The following WRN variants were observed in gnomAD, a reference collection of about 807,000 sequenced individuals.
WRN encodes the protein bifunctional 3'-5' exonuclease/ATP-dependent helicase WRN.
Under a neutral mutation model 180.7 loss-of-function variants are expected in WRN, and 149 were observed. The ratio of observed to expected loss-of-function variants is 0.82; its 90% confidence interval spans 0.72 to 0.94. The LOEUF is 0.94. WRN is among the 40% of genes least tolerant of loss of function. The pLI, the probability that WRN is intolerant of heterozygous loss-of-function variation, is 0.00. For synonymous variants in WRN, 548 were observed against 568.9 expected (o/e 0.96, Z 0.52); for missense variants, 1,661 against 1,700.1 (o/e 0.98, Z 0.40).
rs747825738 is a variant in WRN at position 31,087,907 on chromosome 8, A to C, written c.1563A>C (p.Glu521Asp). 8.7e-6 allele frequency: 14 copies of C among 1,613,334 alleles called. No individual in the cohort carries two copies. The highest frequency in any genetic ancestry group is 1.0e-5 in the Non-Finnish European group (12 of 1,179,624). Residue 521 changes from glutamate to aspartate, a missense_variant, in exon 12 of 35, where the codon GAA becomes GAC. By Grantham distance (45) the Glu-to-Asp change is conservative. Transcript: ENST00000298139. Reference sequence around the variant, plus strand: ...AAAATGAAGCTAATGAAGGGGAAGAAGATGATGATAAGGGTAAGCACTGAA... The same window carrying C: ...AAAATGAAGCTAATGAAGGGGAAGACGATGATGATAAGGGTAAGCACTGAA... ...DDENEANEGE[E>D]DDDKDFLWPA...
At chr8:31,111,161 C>CA (rs540923057) in intron 18 of WRN, among the ~76,000 whole-genome samples, 3,498 of 145,608 alleles carry the variant, frequency 0.024, 41 homozygotes, top group South Asian at 0.043. Flanking sequence ...AATAGGAGGC[C>CA]AAAAAAAAAC....
Position 31,125,006 on chromosome 8 carries a change from G to T in WRN, c.2825+6G>T, listed in dbSNP as rs188194234. 73 of 1,610,570 alleles carry T rather than the reference G, an allele frequency of 4.5e-5. No individual in the cohort carries two copies. The African/African-American group carries it at 8.5e-4, about 19-fold the overall frequency. On this transcript the variant is annotated splice_donor_region_variant and intron_variant, in intron 23 of 34. Transcript: ENST00000298139. Reference sequence around the variant, plus strand: ...TGTGATAATTGCAGGTCCAGGTAAAGATTTCTTATTATAGATGGACATTCT... The same window carrying T: ...TGTGATAATTGCAGGTCCAGGTAAATATTTCTTATTATAGATGGACATTCT...
chr8:31,120,461 C>T, intron 21 of WRN, 37 bp downstream of exon 21: 5 of 1,565,830 alleles, frequency 3.2e-6, no homozygotes, highest in Non-Finnish European at 4.3e-6. Context: ...TTGCAGATTT[C>T]TTTCTTTCTT....
intron 1 of WRN, among the ~76,000 whole-genome samples, chr8:31,054,199 A>G (rs1812180461): frequency 6.6e-6 from 1 of 152,138 alleles, no homozygotes; most frequent in African/African-American, 2.4e-5. Context: ...AATAATGAGG[A>G]AAAAGGGAAT....
chr8:31,097,758 A>C (rs895498092), intron 17 of WRN, among the ~76,000 whole-genome samples: 3 of 151,994 alleles, frequency 2.0e-5, no homozygotes, highest in Non-Finnish European at 4.4e-5. Flanking sequence ...CATCCTGGGC[A>C]ACAGAGCGAG....
Position 31,095,887 on chromosome 8 carries a change from G to C in WRN, c.1899-881G>C, listed in dbSNP as rs11574258. 2.2e-3 allele frequency among the ~76,000 whole-genome samples: 330 copies of C among 152,280 alleles called. 2 individuals are homozygous for C. Among genetic ancestry groups the C allele is most frequent in the Admixed American group, 0.01 (160 of 15,284 alleles). ...CCTTTGTATTTCTGTGAGCATGTCA[G>C]CATCACCTTTTCAACCCATATGCCT... is the stretch of plus-strand genomic sequence containing the variant. On this transcript the variant is annotated intron_variant, in intron 16 of 34. Coordinates refer to ENST00000298139, the MANE Select transcript of WRN (RefSeq NM_000553.6).
chr8:31,165,357 G>A (rs1249114145), intron 33 of WRN, among the ~76,000 whole-genome samples: 46 of 151,962 alleles, frequency 3.0e-4, no homozygotes, highest in Non-Finnish European at 4.4e-5. Flanking sequence ...ACTTGGTTTC[G>A]AGTGTGGGAA....
intron 6 of WRN, among the ~76,000 whole-genome samples, chr8:31,068,045 AAAC>A (rs1224277080): frequency 1.3e-5 from 2 of 152,328 alleles, no homozygotes; most frequent in East Asian, 3.9e-4. Flanking sequence ...GAAAAAGTGA[AAAC>A]AAACTTTTAA....
In WRN at chr8:31,116,336, GTTC is replaced by G. The variant is rs1190140558; in HGVS notation, c.2274-12_2274-10del. ...ATAAAGTATATATGTTTGCTCTTTT[GTTC>G]TTCTTTTTCTTTAGTTCCCACTGGG... On this transcript the variant is annotated splice_polypyrimidine_tract_variant and intron_variant, in intron 19 of 34. Transcript: ENST00000298139. 3.1e-6 allele frequency: 5 copies of G among 1,613,082 alleles called. No individual in the cohort carries two copies. The highest frequency in any genetic ancestry group is 2.7e-5 in the African/African-American group (2 of 74,888).
In WRN at chr8:31,150,714, G is replaced by C. The variant is rs1189930818; in HGVS notation, c.3687+259G>C. ...CATTGGGAGGTTTTGTTTTTAAATTGGAAACATTATTTTAGGTTGATAAAT... is the reference window on the plus strand; with the variant it reads ...CATTGGGAGGTTTTGTTTTTAAATTCGAAACATTATTTTAGGTTGATAAAT... On this transcript the variant is annotated intron_variant, in intron 31 of 34. Transcript: ENST00000298139. Among the ~76,000 whole-genome samples the C allele has an allele frequency of 2.0e-5, 3 of 152,068 alleles. No homozygotes were observed. In the East Asian group the frequency reaches 5.8e-4, roughly 29 times the overall value.
At chr8:31,053,523 G>C (rs970632563) in intron 1 of WRN, among the ~76,000 whole-genome samples, 2 of 152,182 alleles carry the variant, frequency 1.3e-5, no homozygotes, top group Non-Finnish European at 2.9e-5. Flanking sequence ...TCCAAAGGAA[G>C]GTTCATAAGC....
chr8:31,154,024 C>G (rs1803262276), intron 31 of WRN, among the ~76,000 whole-genome samples: 1 of 151,922 alleles, frequency 6.6e-6, no homozygotes, highest in African/African-American at 2.4e-5. Flanking sequence ...TTTTCTATCT[C>G]TTTACCTTTA....
intron 7 of WRN, among the ~76,000 whole-genome samples, chr8:31,071,024 C>T (rs1458258301): frequency 3.8e-5 from 5 of 131,172 alleles, no homozygotes; most frequent in Non-Finnish European, 7.8e-5. Flanking sequence ...CCAGCCTGCA[C>T]AAGAGCGAGA....
At position 31,080,807 on chromosome 8, in the gene WRN, G is replaced by C. The variant is rs1813270796; in HGVS notation, c.840-60G>C. 4.3e-6 allele frequency: 6 copies of C among 1,388,714 alleles called. No homozygotes were observed. In the South Asian group the frequency reaches 6.6e-5, roughly 15 times the overall value. The allele number at this position is 1,388,714 out of a possible 1,614,324, so 86.0% of individuals were successfully genotyped here. On this transcript the variant is annotated intron_variant, in intron 8 of 34. Coordinates refer to ENST00000298139, the MANE Select transcript of WRN (RefSeq NM_000553.6). ...CTTTTACTTGTTAAAAAGCTTCACA[G>C]TTTGTCCTTGTAGTTAATGCAATTG...
chr8:31,120,628 A>G (rs1801690745), intron 21 of WRN, among the ~76,000 whole-genome samples: 1 of 151,774 alleles, frequency 6.6e-6, no homozygotes, highest in Non-Finnish European at 1.5e-5. Context: ...CCACTTGGAG[A>G]TGAGCTAATT....
At chr8:31,085,082 T>C in intron 10 of WRN, 84 bp from the exon 11 acceptor site, 1 of 1,269,764 alleles carries the variant, frequency 7.9e-7, no homozygotes, top group Non-Finnish European at 1.1e-6. Flanking sequence ...TAAAGATATC[T>C]AGTATATAGG....
intron 12 of WRN, among the ~76,000 whole-genome samples, chr8:31,088,367 A>G (rs1813617378): frequency 6.6e-6 from 1 of 152,272 alleles, no homozygotes; most frequent in African/African-American, 2.4e-5. Flanking sequence ...TAGAATTTTG[A>G]CCAAAGATGT....
chr8:31,152,468 G>A (rs902152416), intron 31 of WRN, among the ~76,000 whole-genome samples: 3 of 151,944 alleles, frequency 2.0e-5, no homozygotes, highest in African/African-American at 4.8e-5. Context: ...GGCTATGAAT[G>A]ACAGTTGATG....
chr8:31,064,487 C>T (rs1401473779), intron 4 of WRN, 53 bp downstream of exon 4: 2 of 1,610,694 alleles, frequency 1.2e-6, no homozygotes, highest in South Asian at 1.1e-5. Flanking sequence ...AATATGTCAA[C>T]TTTATCCCTA....
Sources: gnomAD v4.1 joint callset for allele counts (sites outside exome capture counted in the v4.1 genomes callset) on GRCh38, gnomAD v4.1.1 for gene constraint, MANE v1.5 for transcripts, NCBI Gene and HGNC (gene_info 2026-07-23, HGNC 2026-07-21) for gene names.